Variants in LUC7L observed in about 807,000 individuals in gnomAD.
LUC7L encodes the protein LUC7 like, also known as putative RNA-binding protein Luc7-like 1.
LUC7L carries 29 observed loss-of-function variants against 51.1 expected under a neutral mutation model. That is an observed-to-expected ratio of 0.57 (90% CI 0.42 to 0.77). The LOEUF is 0.77. Ranked by LOEUF, LUC7L falls within the 30% of genes least tolerant of loss-of-function variation. The pLI is 0.00. For missense variants in LUC7L, 403 were observed against 511.9 expected (o/e 0.79, Z 2.05); for synonymous variants, 181 against 180.7 (o/e 1.00, Z -0.01).
chr16:221,186 ATTTTTTTTT>A (rs372906826), intron 2 of LUC7L, among the ~76,000 whole-genome samples: 10 of 101,248 alleles, frequency 9.9e-5, no homozygotes, highest in African/African-American at 3.0e-4. Context: ...CACCCAGCTA[ATTTTTTTTT>A]TTTTTTTTTT....
chr16:199,082 C>T lies in LUC7L; in HGVS notation c.667G>A (p.Glu223Lys). Residue 223 changes from glutamate (E) to lysine (K), a missense_variant, in exon 6 of 10, where the codon GAG becomes AAG. Transcript: ENST00000293872. ...KLHLGFIQIR[E>K]KLDQLRKTVA... is the part of the protein sequence containing the mutation. Reference sequence around the variant, plus strand: ...CATACCCTCAACTGATCAAGCTTCTCTCGGATCTGAATGAACCCCAAGTGT... The same window carrying T: ...CATACCCTCAACTGATCAAGCTTCTTTCGGATCTGAATGAACCCCAAGTGT... The T allele has an allele frequency of 6.2e-7, 1 of 1,611,486 alleles. No homozygotes were observed. The highest frequency in any genetic ancestry group is 8.5e-7 in the Non-Finnish European group (1 of 1,177,866).
chr16:189,508 A>C (rs2048952353), intron 9 of LUC7L, 169 bp from the exon 10 acceptor site: 1 of 1,404,254 alleles, frequency 7.1e-7, no homozygotes, highest in African/African-American at 1.4e-5. Flanking sequence ...GGAGTGTTAG[A>C]TAGCCATTAA....
intron 6 of LUC7L, among the ~76,000 whole-genome samples, chr16:194,772 C>T (rs1207785367): frequency 6.6e-6 from 1 of 152,122 alleles, no homozygotes; most frequent in African/African-American, 2.4e-5. Flanking sequence ...AGAAACCTCG[C>T]CAATGAAAAT....
intron 1 of LUC7L, 44 bp downstream of exon 1, chr16:229,235 C>T (rs2050211464): frequency 6.6e-7 from 1 of 1,516,310 alleles, no homozygotes; most frequent in East Asian, 2.6e-5. Context: ...GGCCTCGCCT[C>T]ACTCCCACCC....
Position 189,618 on chromosome 16 carries a change from C to T in LUC7L, c.975-279G>A, listed in dbSNP as rs564416988. The T allele has an allele frequency of 5.2e-5, 69 of 1,322,764 alleles. No homozygotes were observed. In the African/African-American group the frequency reaches 8.6e-4, roughly 16 times the overall value. The allele number at this position is 1,322,764 out of a possible 1,614,324, so 81.9% of individuals were successfully genotyped here. On this transcript the variant is annotated intron_variant, in intron 9 of 9. Transcript: ENST00000293872. Reference sequence around the variant, plus strand: ...ACTATATGCACAGAACATGACACTACGTAAAAACACAATGGAAAAAAAAAT... The same window carrying T: ...ACTATATGCACAGAACATGACACTATGTAAAAACACAATGGAAAAAAAAAT...
intron 1 of LUC7L, chr16:227,657 A>G: frequency 5.4e-6 from 6 of 1,109,154 alleles, no homozygotes; most frequent in Non-Finnish European, 6.6e-6. Flanking sequence ...AGACTGCAAA[A>G]CCCAAGCTAA....
At chr16:189,574 G>A in intron 9 of LUC7L, 5 of 1,375,014 alleles carry the variant, frequency 3.6e-6, no homozygotes, top group Admixed American at 3.1e-5. Context: ...AACATAAACA[G>A]TGCAAAGGAG....
In LUC7L at chr16:193,111, G is replaced by C. The variant is rs529626250; in HGVS notation, c.688-96C>G. On this transcript the variant is annotated intron_variant, in intron 6 of 9. Transcript: ENST00000293872. The stretch of plus-strand genomic sequence containing the variant: ...TCACCTTTATATGAGCTCAGTATTG[G>C]TAATTTAAAAATTGAAGGGACACTT... 10 of 964,210 alleles carry C rather than the reference G, an allele frequency of 1.0e-5. No individual in the cohort carries two copies. The South Asian group carries it at 1.2e-4, about 11-fold the overall frequency. The allele number at this position is 964,210 out of a possible 1,614,324, so 59.7% of individuals were successfully genotyped here. A position where few individuals can be genotyped will look rare whatever the true frequency, so the allele number is the denominator to read the frequency against.
chr16:218,144 G>C (rs948207370), intron 3 of LUC7L, among the ~76,000 whole-genome samples: 2 of 151,482 alleles, frequency 1.3e-5, no homozygotes, highest in Non-Finnish European at 2.9e-5. Context: ...AGTGAGCTAA[G>C]ATCATGCCAC....
intron 6 of LUC7L, among the ~76,000 whole-genome samples, chr16:194,463 A>C (rs557090906): frequency 6.6e-6 from 1 of 152,324 alleles, no homozygotes; most frequent in African/African-American, 2.4e-5. Flanking sequence ...TATACTTCTA[A>C]CTCACAGGGA....
At chr16:208,729 T>TTTAG in intron 3 of LUC7L, 1 of 664,450 alleles carries the variant, frequency 1.5e-6, no homozygotes, top group Non-Finnish European at 1.9e-6. Flanking sequence ...TATTGCCTAC[T>TTTAG]ATCTAAAGTA....
intron 6 of LUC7L, among the ~76,000 whole-genome samples, chr16:196,232 A>T (rs2049145083): frequency 6.6e-6 from 1 of 152,042 alleles, no homozygotes; most frequent in Admixed American, 6.6e-5. Context: ...ACACGGTGAA[A>T]CCCCATCTCT....
intron 3 of LUC7L, among the ~76,000 whole-genome samples, chr16:216,377 G>GTTGT (rs2049797531): frequency 1.5e-5 from 2 of 133,560 alleles, no homozygotes; most frequent in African/African-American, 5.9e-5. Context: ...TTATCAAATA[G>GTTGT]TTGTTTTTTT....
intron 6 of LUC7L, among the ~76,000 whole-genome samples, chr16:193,476 GAAGAT>G (rs1464454425): frequency 6.6e-6 from 1 of 151,974 alleles, no homozygotes; most frequent in African/African-American, 2.4e-5. Flanking sequence ...TCTTAATGAA[GAAGAT>G]AACACATGAA....
rs1362490402 is a variant in LUC7L at position 229,106 on chromosome 16, G to A, written c.61+173C>T. ...CCGACCTGGACCCACGGCCGCCTCA[G>A]AGACGCACCGGCTTAGACAAAGGCC... On this transcript the variant is annotated intron_variant, in intron 1 of 9. Transcript: ENST00000293872. 6 of 1,414,676 alleles carry A rather than the reference G, an allele frequency of 4.2e-6. No homozygotes were observed. In the African/African-American group the frequency reaches 4.5e-5, roughly 11 times the overall value. The allele number at this position is 1,414,676 out of a possible 1,614,324, so 87.6% of individuals were successfully genotyped here.
chr16:193,067 G>T, intron 6 of LUC7L, 52 bp from the exon 7 acceptor site: 1 of 1,393,770 alleles, frequency 7.2e-7, no homozygotes, highest in Non-Finnish European at 1.0e-6. Flanking sequence ...AAACCAGAGT[G>T]TGAATGCTAC....
intron 6 of LUC7L, among the ~76,000 whole-genome samples, chr16:195,580 T>G (rs764575107): frequency 1.3e-5 from 2 of 152,178 alleles, no homozygotes; most frequent in Non-Finnish European, 2.9e-5. Context: ...CACACCACCA[T>G]GCTTGGCTAA....
chr16:211,346 T>C (rs1008203163), intron 3 of LUC7L, among the ~76,000 whole-genome samples: 1 of 151,984 alleles, frequency 6.6e-6, no homozygotes, highest in Admixed American at 6.6e-5. Flanking sequence ...GAATCCCAGC[T>C]ACAAGGGAGG....
intron 2 of LUC7L, among the ~76,000 whole-genome samples, chr16:221,713 A>C (rs12103033): frequency 6.7e-5 from 10 of 149,188 alleles, no homozygotes; most frequent in African/African-American, 2.2e-4. Context: ...AGAAAAGGGG[A>C]AAAAAAAAAG....
Sources: allele counts gnomAD v4.1 joint callset (sites outside exome capture counted in the v4.1 genomes callset), GRCh38; gene constraint gnomAD v4.1.1; transcripts MANE v1.5; gene names NCBI Gene and HGNC (gene_info 2026-07-23, HGNC 2026-07-21).